Variants in CACNA2D2 observed in about 807,000 individuals in gnomAD.
CACNA2D2 encodes voltage-dependent calcium channel subunit alpha-2/delta-2.
CACNA2D2 carries 48 observed loss-of-function variants against 166.4 expected under a neutral mutation model. The ratio of observed to expected loss-of-function variants is 0.29; its 90% CI spans 0.23 to 0.37. CACNA2D2 has a LOEUF of 0.37. Among genes scored for constraint, CACNA2D2 ranks in the 10% least tolerant of loss-of-function variants. The pLI is 1.00. For missense variants in CACNA2D2, 1,122 were observed against 1,433.0 expected, an observed-to-expected ratio of 0.78 and a Z score of 3.50; for synonymous variants, 561 against 573.7, an observed-to-expected ratio of 0.98 and a Z score of 0.32.
intron 3 of CACNA2D2, among the ~76,000 whole-genome samples, chr3:50,432,398 A>C (rs534455295): frequency 1.3e-5 from 2 of 152,230 alleles, no homozygotes; most frequent in Non-Finnish European, 2.9e-5. Context: ...CGCATTTATC[A>C]GACAGTTCCA....
chr3:50,410,381 A>G (rs540987564), intron 3 of CACNA2D2, among the ~76,000 whole-genome samples: 5 of 152,162 alleles, frequency 3.3e-5, no homozygotes, highest in African/African-American at 1.2e-4. Flanking sequence ...GGGATCCCCT[A>G]GTGTGAGCAG....
intron 3 of CACNA2D2, among the ~76,000 whole-genome samples, chr3:50,396,849 G>A (rs540332465): frequency 1.3e-5 from 2 of 152,272 alleles, no homozygotes; most frequent in African/African-American, 4.8e-5. Context: ...CCTTCCCCAG[G>A]GTTGAGACTG....
intron 3 of CACNA2D2, among the ~76,000 whole-genome samples, chr3:50,412,052 T>C (rs550503432): frequency 6.6e-6 from 1 of 152,282 alleles, no homozygotes; most frequent in African/African-American, 2.4e-5. Context: ...CTCCCTTGAC[T>C]TCCAGGAGGC....
chr3:50,370,344 T>A lies in CACNA2D2; in HGVS notation c.2021A>T (p.Glu674Val). The A allele has an allele frequency of 6.4e-7, 1 of 1,567,326 alleles. No homozygotes were observed. Among genetic ancestry groups the A allele is most frequent in the East Asian group, 2.4e-5 (1 of 41,754 alleles). The change falls in exon 23 of 38, where the codon GAA (glutamate) becomes GTA (valine). Residue 674 changes from glutamate to valine, a missense_variant. By Grantham distance (121) the Glu-to-Val change is moderately radical. Around this residue, in one of 2 missense-constraint regions of CACNA2D2, gnomAD observed 840 missense variants for 1,166.8 expected, o/e 0.72. Coordinates refer to ENST00000424201, the MANE Select transcript of CACNA2D2 (RefSeq NM_006030.4). Reference protein sequence around the residue: ...EFLLPSSFESEGHVFIAPREY... With the variant: ...EFLLPSSFESVGHVFIAPREY... The stretch of plus-strand genomic sequence containing the variant: ...CCTGGGAGCAATGAAAACGTGTCCT[T>A]CAGACTCAAAGCTGCTGGGGAGCAG...
At chr3:50,387,321 C>A (rs368327586) in intron 5 of CACNA2D2, among the ~76,000 whole-genome samples, 1 of 151,786 alleles carries the variant, frequency 6.6e-6, no homozygotes, top group Non-Finnish European at 1.5e-5. Context: ...CTGCCCCGTG[C>A]GGGAAGGGCC....
At chr3:50,488,875 T>C (rs950089038) in intron 1 of CACNA2D2, among the ~76,000 whole-genome samples, 2 of 152,018 alleles carry the variant, frequency 1.3e-5, no homozygotes, top group African/African-American at 4.8e-5. Flanking sequence ...AATTTTTTTG[T>C]ATTTTTAGTA....
At chr3:50,444,845 G>A (rs1043737098) in intron 2 of CACNA2D2, among the ~76,000 whole-genome samples, 86 of 152,284 alleles carry the variant, frequency 5.6e-4, no homozygotes, top group African/African-American at 1.8e-3. Flanking sequence ...CTCTTTTGGG[G>A]CAAGGTGATC....
chr3:50,498,247 C>T (rs977321133), intron 1 of CACNA2D2, among the ~76,000 whole-genome samples: 2 of 152,176 alleles, frequency 1.3e-5, no homozygotes, highest in South Asian at 2.1e-4. Flanking sequence ...TAGCAACAAG[C>T]CCTTGAACGC....
intron 3 of CACNA2D2, among the ~76,000 whole-genome samples, chr3:50,423,761 C>G (rs1009929521): frequency 6.6e-6 from 1 of 152,258 alleles, no homozygotes; most frequent in Non-Finnish European, 1.5e-5. Flanking sequence ...CCGTGCCCAG[C>G]CTCTCAAACA....
At chr3:50,473,310 C>T (rs1195926644) in intron 2 of CACNA2D2, among the ~76,000 whole-genome samples, 2 of 152,246 alleles carry the variant, frequency 1.3e-5, no homozygotes, top group Non-Finnish European at 2.9e-5. Flanking sequence ...TCCCCAAACG[C>T]TACTGTCTGC....
At chr3:50,448,667 C>G (rs971639157) in intron 2 of CACNA2D2, among the ~76,000 whole-genome samples, 2 of 152,112 alleles carry the variant, frequency 1.3e-5, no homozygotes, top group Admixed American at 1.3e-4. Context: ...CTCCTGTGCT[C>G]AAGTACAGCA....
chr3:50,370,327 C>A lies in CACNA2D2; in HGVS notation c.2038G>T (p.Ala680Ser). 6.3e-7 allele frequency: 1 copy of A among 1,575,384 alleles called. No homozygotes were observed. Among genetic ancestry groups the A allele is most frequent in the Non-Finnish European group, 8.6e-7 (1 of 1,161,546 alleles). ...SFESEGHVFI[A>S]PREYCKDLNA... ...AGGCCACACGCAAGCTACCTGGGAG[C>A]AATGAAAACGTGTCCTTCAGACTCA... Residue 680 changes from alanine to serine, a missense_variant, in exon 23 of 38, where the codon GCT (alanine) becomes TCT (serine). Around this residue, in one of 2 missense-constraint regions of CACNA2D2, gnomAD observed 840 missense variants for 1,166.8 expected, o/e 0.72. Transcript: ENST00000424201.
At chr3:50,419,286 C>T (rs1707430255) in intron 3 of CACNA2D2, among the ~76,000 whole-genome samples, 2 of 152,160 alleles carry the variant, frequency 1.3e-5, no homozygotes, top group South Asian at 2.1e-4. Flanking sequence ...ATCACTGCCT[C>T]GGAAAGGGGG....
chr3:50,463,712 CTT>C (rs2107022256), intron 2 of CACNA2D2, among the ~76,000 whole-genome samples: 1 of 152,376 alleles, frequency 6.6e-6, no homozygotes, highest in Non-Finnish European at 1.5e-5. Flanking sequence ...ATCCCCAACT[CTT>C]TGTGTAACTT....
chr3:50,364,932 G>C lies in CACNA2D2; in HGVS notation c.3247C>G (p.Arg1083Gly). ...CAGATGTGCGGGCCTCTCCGGTATC[G>C]CGGTCTCTGCACTAGCTCACACTGC... Reference protein sequence around the residue: ...PEQCELVQRPRYRRGPHICFD... With the variant: ...PEQCELVQRPGYRRGPHICFD... The change falls in exon 37 of 38, where the codon CGA (arginine) becomes GGA (glycine). Residue 1083 changes from arginine to glycine, a missense_variant. Coordinates refer to ENST00000424201, the MANE Select transcript of CACNA2D2 (RefSeq NM_006030.4). 1 of 1,613,280 alleles carries C rather than the reference G, an allele frequency of 6.2e-7. No homozygotes were observed. Among genetic ancestry groups the C allele is most frequent in the Non-Finnish European group, 8.5e-7 (1 of 1,179,884 alleles).
chr3:50,369,656 C>G (rs1325395387), intron 23 of CACNA2D2, among the ~76,000 whole-genome samples: 2 of 152,386 alleles, frequency 1.3e-5, no homozygotes, highest in Non-Finnish European at 1.5e-5. Context: ...CTTCAGCACC[C>G]AGGGGACCCG....
intron 1 of CACNA2D2, among the ~76,000 whole-genome samples, chr3:50,484,316 C>T (rs1250604392): frequency 6.6e-6 from 1 of 152,204 alleles, no homozygotes; most frequent in African/African-American, 2.4e-5. Flanking sequence ...GCTGCCAGCT[C>T]ACTCACCGGC....
intron 2 of CACNA2D2, among the ~76,000 whole-genome samples, chr3:50,448,306 T>C (rs544380543): frequency 6.6e-6 from 1 of 152,240 alleles, no homozygotes; most frequent in Non-Finnish European, 1.5e-5. Context: ...GCTCTGGCTA[T>C]CAAGCTCTTT....
intron 22 of CACNA2D2, among the ~76,000 whole-genome samples, chr3:50,374,204 G>A (rs1434984314): frequency 6.9e-5 from 2 of 28,966 alleles, no homozygotes; most frequent in African/African-American, 3.4e-4. Context: ...GGAAAGGGGA[G>A]GGGGGAAGGT....
Sources: allele counts gnomAD v4.1 joint callset (sites outside exome capture counted in the v4.1 genomes callset), GRCh38; gene constraint gnomAD v4.1.1; regional missense constraint gnomAD v4.1.1; transcripts MANE v1.5; gene names NCBI Gene and HGNC (gene_info 2026-07-23, HGNC 2026-07-21).